Variants in FUT8 observed in about 807,000 individuals in gnomAD.
FUT8 encodes fucosyltransferase 8, also known as alpha-(1,6)-fucosyltransferase.
A neutral mutation model predicts 71.3 loss-of-function variants in FUT8; 29 were observed. That is an observed-to-expected ratio of 0.41 (90% confidence interval 0.30 to 0.55). The LOEUF is 0.55. Ranked by LOEUF, FUT8 falls within the 20% of genes least tolerant of loss-of-function variation. The pLI, the probability that FUT8 is intolerant of heterozygous loss-of-function variation, is 0.34. For synonymous variants in FUT8, 254 were observed against 239.3 expected (o/e 1.06, Z -0.57); for missense variants, 544 against 702.1 (o/e 0.77, Z 2.55).
intron 2 of FUT8, among the ~76,000 whole-genome samples, chr14:65,534,998 G>A (rs1279723635): frequency 6.6e-6 from 1 of 150,894 alleles, no homozygotes; most frequent in Non-Finnish European, 1.5e-5. Flanking sequence ...AGTTCTTTTA[G>A]TTGTGATATT....
intron 2 of FUT8, among the ~76,000 whole-genome samples, chr14:65,502,815 G>A (rs893584482): frequency 1.3e-5 from 2 of 152,180 alleles, no homozygotes; most frequent in African/African-American, 2.4e-5. Context: ...CAATTTTAAT[G>A]TGTATATGAA....
At chr14:65,567,105 T>C (rs879597735) in intron 3 of FUT8, among the ~76,000 whole-genome samples, 1 of 151,974 alleles carries the variant, frequency 6.6e-6, no homozygotes, top group Non-Finnish European at 1.5e-5. Context: ...TCTAGGGACA[T>C]TTATTTTTGA....
intron 2 of FUT8, among the ~76,000 whole-genome samples, chr14:65,551,517 A>G (rs1486444663): frequency 2.0e-5 from 3 of 152,144 alleles, no homozygotes; most frequent in Non-Finnish European, 4.4e-5. Context: ...AAAATTTCCT[A>G]AGAGGATAGA....
In FUT8 at chr14:65,445,100, G is replaced by A. The variant is rs188168906; in HGVS notation, c.-325-10521G>A. ...TGAGCGCTTGTAATCCCAGCTACTCGGGAGGCTGAGGCAGAGAATTGCCTA... is the reference window on the plus strand; with the variant it reads ...TGAGCGCTTGTAATCCCAGCTACTCAGGAGGCTGAGGCAGAGAATTGCCTA... On this transcript the variant is annotated intron_variant, in intron 1 of 10. Coordinates refer to ENST00000673929, the MANE Select transcript of FUT8 (RefSeq NM_001371533.1). 6.3e-3 allele frequency among the ~76,000 whole-genome samples: 958 copies of A among 152,230 alleles called. 6 individuals carry two copies. The highest frequency in any genetic ancestry group is 0.02 in the Middle Eastern group (6 of 294).
chr14:65,627,992 C>T lies in FUT8; in HGVS notation c.483-1500C>T, dbSNP rs1488355048. On this transcript the variant is annotated intron_variant, in intron 5 of 10. Coordinates refer to ENST00000673929, the MANE Select transcript of FUT8 (RefSeq NM_001371533.1). This position sits in a 1 kb window ranked among gnomAD's most constrained non-coding sequence, Gnocchi z 4.0. ...TACTCAAACAGGAGGAGAGGGAAAA[C>T]CAAGGGTTGAGGGTGATAGGCGGGA... is the stretch of plus-strand genomic sequence containing the variant. Among the ~76,000 whole-genome samples, 2 of 152,066 alleles carry T rather than the reference C, an allele frequency of 1.3e-5. No homozygotes were observed. Among genetic ancestry groups the T allele is most frequent in the African/African-American group, 2.4e-5 (1 of 41,412 alleles).
intron 6 of FUT8, among the ~76,000 whole-genome samples, chr14:65,633,768 GAGCCCCTCCGCCCGGC>G (rs1447192279): frequency 6.6e-6 from 1 of 151,972 alleles, no homozygotes; most frequent in East Asian, 1.9e-4. Context: ...GAGAAGTGAG[GAGCCCCTCCGCCCGGC>G]AGCCACCCCG....
intron 2 of FUT8, among the ~76,000 whole-genome samples, chr14:65,543,725 A>G (rs1884824217): frequency 6.6e-6 from 1 of 152,222 alleles, no homozygotes; most frequent in African/African-American, 2.4e-5. Context: ...TACAAGGGAC[A>G]GATGACTCAA....
chr14:65,397,916 C>A, the FUT8 span, among the ~76,000 whole-genome samples: 1 of 152,310 alleles, frequency 6.6e-6, no homozygotes, highest in South Asian at 2.1e-4. The surrounding 1 kb of genome is among the most constrained non-coding windows in gnomAD (Gnocchi z 4.2). Context: ...GCCTGTGGTA[C>A]AATTGGTTTC....
intron 5 of FUT8, among the ~76,000 whole-genome samples, chr14:65,629,072 G>A (rs1054476820): frequency 6.6e-6 from 1 of 152,160 alleles, no homozygotes; most frequent in Non-Finnish European, 1.5e-5. Flanking sequence ...CACTCAGAGT[G>A]TTTAAATATG....
chr14:65,461,650 T>A (rs1211738639), intron 2 of FUT8, among the ~76,000 whole-genome samples: 4 of 152,204 alleles, frequency 2.6e-5, no homozygotes, highest in African/African-American at 9.6e-5. Context: ...CTTAAGAAAG[T>A]TACTGTCTTC....
At chr14:65,727,076 A>C (rs183434680) in intron 9 of FUT8, among the ~76,000 whole-genome samples, 12 of 152,272 alleles carry the variant, frequency 7.9e-5, no homozygotes, top group Non-Finnish European at 1.8e-4. Flanking sequence ...CTCCACCCCT[A>C]TGGCTTTGCA....
intron 7 of FUT8, among the ~76,000 whole-genome samples, chr14:65,675,972 G>A (rs1245594014): frequency 6.6e-6 from 1 of 152,118 alleles, no homozygotes. Flanking sequence ...ACTCCAGCCT[G>A]AGCGAGAGAG....
intron 2 of FUT8, among the ~76,000 whole-genome samples, chr14:65,533,933 G>A (rs984150076): frequency 3.9e-5 from 6 of 152,118 alleles, no homozygotes; most frequent in African/African-American, 1.4e-4. Context: ...CATACTTATT[G>A]ATTTGCATAA....
chr14:65,485,412 A>AT (rs1431049863), intron 2 of FUT8, among the ~76,000 whole-genome samples: 6 of 152,062 alleles, frequency 3.9e-5, no homozygotes, highest in African/African-American at 9.7e-5. Flanking sequence ...TGCTTTTATG[A>AT]TTTTTTTAAG....
intron 2 of FUT8, among the ~76,000 whole-genome samples, chr14:65,497,598 A>G (rs1158347952): frequency 6.6e-6 from 1 of 152,086 alleles, no homozygotes; most frequent in African/African-American, 2.4e-5. Flanking sequence ...TGGAGGTGGT[A>G]AATTTTTTCC....
chr14:65,406,005 G>A (rs1409127286), upstream of FUT8, among the ~76,000 whole-genome samples: 1 of 152,220 alleles, frequency 6.6e-6, no homozygotes, highest in East Asian at 1.9e-4. Context: ...GTGGGCATGA[G>A]AGCAGTAGTT....
chr14:65,738,862 T>C lies in FUT8; in HGVS notation c.1411-3231T>C, dbSNP rs566562729. Among the ~76,000 whole-genome samples, 12 of 152,218 alleles carry C rather than the reference T, an allele frequency of 7.9e-5. No homozygotes were observed. The East Asian group carries it at 2.3e-3, about 29-fold the overall frequency. On this transcript the variant is annotated intron_variant, in intron 10 of 10. Coordinates refer to ENST00000673929, the MANE Select transcript of FUT8 (RefSeq NM_001371533.1). The stretch of plus-strand genomic sequence containing the variant: ...TAAGGGTTAAATATCACCCATGGAC[T>C]TGTGTCTCCATTACTGGGCTGGTAT...
chr14:65,376,316 T>G, the FUT8 span, among the ~76,000 whole-genome samples: 4 of 152,180 alleles, frequency 2.6e-5, no homozygotes, highest in African/African-American at 9.7e-5. Context: ...TACAATATTG[T>G]GAACCTGATT....
Position 65,733,389 on chromosome 14 carries a change from T to C in FUT8, c.1410+8T>C. 2 of 1,562,476 alleles carry C rather than the reference T, an allele frequency of 1.3e-6. No homozygotes were observed. Among genetic ancestry groups the C allele is most frequent in the Non-Finnish European group, 1.7e-6 (2 of 1,154,746 alleles). ...TGTACTTTTTCATCCCAGGTAAGTGTCAGTAGGGCATTTTAAAATAACCAA... is the reference window on the plus strand; with the variant it reads ...TGTACTTTTTCATCCCAGGTAAGTGCCAGTAGGGCATTTTAAAATAACCAA... On this transcript the variant is annotated splice_region_variant and intron_variant, in intron 10 of 10. Coordinates refer to ENST00000673929, the MANE Select transcript of FUT8 (RefSeq NM_001371533.1).
Sources: allele counts gnomAD v4.1 joint callset (sites outside exome capture counted in the v4.1 genomes callset), GRCh38; gene constraint gnomAD v4.1.1; non-coding constraint Gnocchi (gnomAD v3.1); transcripts MANE v1.5; gene names NCBI Gene and HGNC (gene_info 2026-07-23, HGNC 2026-07-21).